PTPRK: variants seen among roughly 807,000 people sequenced by gnomAD.
The protein encoded by PTPRK is receptor-type tyrosine-protein phosphatase kappa.
Under a neutral mutation model 178.0 loss-of-function variants are expected in PTPRK, and 75 were observed. The ratio of observed to expected loss-of-function variants is 0.42; its 90% CI spans 0.35 to 0.51. The LOEUF (loss-of-function observed/expected upper bound fraction) is 0.51. Ranked by LOEUF, PTPRK falls within the 20% of genes least tolerant of loss-of-function variation. PTPRK has a pLI of 0.02. For missense variants in PTPRK, 1,441 were observed against 1,797.8 expected (o/e 0.80, Z 3.59); for synonymous variants, 637 against 620.6 (o/e 1.03, Z -0.39).
chr6:128,045,624 C>T (rs566686252), intron 13 of PTPRK, among the ~76,000 whole-genome samples: 1 of 151,758 alleles, frequency 6.6e-6, no homozygotes, highest in Non-Finnish European at 1.5e-5. Flanking sequence ...TAAAATATGG[C>T]AGGAAAAAAC....
intron 2 of PTPRK, among the ~76,000 whole-genome samples, chr6:128,372,356 AT>A (rs1188126941): frequency 1.3e-5 from 2 of 152,292 alleles, no homozygotes; most frequent in Non-Finnish European, 2.9e-5. Flanking sequence ...AAAGGAAATG[AT>A]TTTTTTAACG....
chr6:128,418,678 T>C (rs1843109847), intron 1 of PTPRK, among the ~76,000 whole-genome samples: 1 of 152,122 alleles, frequency 6.6e-6, no homozygotes, highest in South Asian at 2.1e-4. Flanking sequence ...CTAAAGCATC[T>C]ACCATAAGCA....
At chr6:127,998,444 G>GT (rs201991865) in intron 16 of PTPRK, among the ~76,000 whole-genome samples, 17 of 150,992 alleles carry the variant, frequency 1.1e-4, no homozygotes, top group East Asian at 7.8e-4. Flanking sequence ...TACGCAAAGT[G>GT]TTTTTTTTTA....
chr6:128,146,250 G>A (rs888321141), intron 7 of PTPRK, among the ~76,000 whole-genome samples: 9 of 152,020 alleles, frequency 5.9e-5, no homozygotes, highest in African/African-American at 1.4e-4. Flanking sequence ...TAATAAAAAT[G>A]TTCTGTATTT....
intron 1 of PTPRK, among the ~76,000 whole-genome samples, chr6:128,494,567 G>A (rs1349844092): frequency 1.3e-5 from 2 of 152,126 alleles, no homozygotes; most frequent in Non-Finnish European, 2.9e-5. Flanking sequence ...TTCCCTGGGG[G>A]CAAAAGGCTA....
At chr6:128,307,510 T>C (rs986399965) in intron 3 of PTPRK, among the ~76,000 whole-genome samples, 1 of 151,202 alleles carries the variant, frequency 6.6e-6, no homozygotes, top group African/African-American at 2.4e-5. Flanking sequence ...TAAGGCTTTT[T>C]GTCCAAAGAA....
intron 3 of PTPRK, among the ~76,000 whole-genome samples, chr6:128,311,469 C>A (rs568420986): frequency 6.6e-6 from 1 of 152,118 alleles, no homozygotes; most frequent in Non-Finnish European, 1.5e-5. Flanking sequence ...TAAGGTACAA[C>A]TTTTTCAACA....
At chr6:128,101,539 C>T (rs182815507) in intron 7 of PTPRK, among the ~76,000 whole-genome samples, 1 of 152,168 alleles carries the variant, frequency 6.6e-6, no homozygotes, top group Admixed American at 6.5e-5. Context: ...TTTCTCTCAC[C>T]TGAACTATTA....
intron 6 of PTPRK, among the ~76,000 whole-genome samples, chr6:128,208,182 TTA>T (rs1343540362): frequency 6.6e-6 from 1 of 151,956 alleles, no homozygotes; most frequent in East Asian, 1.9e-4. Context: ...CACAGGAAGA[TTA>T]TGTCAGGTGG....
intron 2 of PTPRK, among the ~76,000 whole-genome samples, chr6:128,368,476 G>C (rs1308681794): frequency 6.6e-6 from 1 of 151,472 alleles, no homozygotes; most frequent in Middle Eastern, 3.2e-3. Flanking sequence ...CCTCTGACTA[G>C]TTGGAGCTTC....
At chr6:128,355,120 CA>C (rs1343869790) in intron 2 of PTPRK, among the ~76,000 whole-genome samples, 6 of 152,212 alleles carry the variant, frequency 3.9e-5, no homozygotes, top group African/African-American at 1.2e-4. Context: ...ATATTGACTT[CA>C]TTGTTTTACA....
intron 13 of PTPRK, 21 bp downstream of exon 13, chr6:128,064,736 GC>G: frequency 6.3e-7 from 1 of 1,578,776 alleles, no homozygotes; most frequent in Non-Finnish European, 8.6e-7. Flanking sequence ...GTTAAAACAA[GC>G]AAAAAAAGCA....
intron 2 of PTPRK, among the ~76,000 whole-genome samples, chr6:128,370,805 C>A (rs1322609031): frequency 6.6e-6 from 1 of 152,098 alleles, no homozygotes; most frequent in Non-Finnish European, 1.5e-5. Flanking sequence ...TGATTTATTA[C>A]CAAAATTCAT....
chr6:127,998,845 A>G lies in PTPRK; in HGVS notation c.2554T>C (p.Cys852Arg), dbSNP rs373153257. The change falls in exon 16 of 30, where the codon TGT (cysteine) becomes CGT (arginine). Residue 852 changes from cysteine to arginine, a missense_variant. This residue lies in a region of PTPRK where 945 missense variants were observed against 1,080.6 expected (regional missense o/e 0.87). Transcript: ENST00000368226. Reference sequence around the variant, plus strand: ...TGGTAAGGGGATTCCGTCCCCTCACAGAGGTAGCGAGGTACGTCTAGAAGG... The same window carrying G: ...TGGTAAGGGGATTCCGTCCCCTCACGGAGGTAGCGAGGTACGTCTAGAAGG... ...SRLLDVPRYL[C>R]EGTESPYQTG... The G allele has an allele frequency of 2.4e-5, 38 of 1,606,260 alleles. No individual in the cohort carries two copies. Among genetic ancestry groups the G allele is most frequent in the Non-Finnish European group, 3.1e-5 (36 of 1,175,112 alleles).
chr6:128,376,066 A>G (rs1231751695), intron 2 of PTPRK, among the ~76,000 whole-genome samples: 1 of 152,100 alleles, frequency 6.6e-6, no homozygotes, highest in Non-Finnish European at 1.5e-5. Context: ...ACACAATGCA[A>G]GCTGTCAGTG....
intron 3 of PTPRK, among the ~76,000 whole-genome samples, chr6:128,286,298 C>CATTACTTTTCCA (rs1273662035): frequency 2.0e-5 from 3 of 152,096 alleles, no homozygotes; most frequent in African/African-American, 7.2e-5. Flanking sequence ...AATATTTGGC[C>CATTACTTTTCCA]ATTACTTTTC....
intron 29 of PTPRK, 22 bp downstream of exon 29, chr6:127,973,000 A>T (rs1322001440): frequency 1.1e-5 from 17 of 1,612,080 alleles, no homozygotes; most frequent in Non-Finnish European, 1.4e-5. Flanking sequence ...ATGCCTTCCA[A>T]ATCTAAGATT....
At chr6:128,020,567 T>C (rs1355572229) in intron 13 of PTPRK, among the ~76,000 whole-genome samples, 2 of 152,170 alleles carry the variant, frequency 1.3e-5, no homozygotes, top group Admixed American at 6.5e-5. Flanking sequence ...ACATTTTTAG[T>C]GGTACAATCT....
chr6:128,435,359 T>C (rs1409699793), intron 1 of PTPRK, among the ~76,000 whole-genome samples: 1 of 152,204 alleles, frequency 6.6e-6, no homozygotes, highest in African/African-American at 2.4e-5. Context: ...GTAAGTCAAA[T>C]GAATGTGTAA....
Sources: allele counts gnomAD v4.1 joint callset (sites outside exome capture counted in the v4.1 genomes callset), GRCh38; gene constraint gnomAD v4.1.1; regional missense constraint gnomAD v4.1.1; transcripts MANE v1.5; gene names NCBI Gene and HGNC (gene_info 2026-07-23, HGNC 2026-07-21).